The following POU2F2 variants were observed in gnomAD, a reference collection of about 807,000 sequenced individuals.
POU2F2 encodes the protein POU class 2 homeobox 2.
In POU2F2, 14 loss-of-function variants were observed where a neutral mutation model predicts 63.5. The observed-to-expected ratio is 0.22, with a 90% CI of 0.15 to 0.34. The LOEUF (loss-of-function observed/expected upper bound fraction) is 0.34, where lower values mean the gene tolerates loss of function less well. Among genes scored for constraint, POU2F2 ranks in the 10% least tolerant of loss-of-function variants. POU2F2 has a pLI of 1.00. For synonymous variants in POU2F2, 306 were observed against 348.6 expected (o/e 0.88, Z 1.36); for missense variants, 607 against 815.2 (o/e 0.74, Z 3.11).
At chr19:42,119,364 T>TA (rs1390247075) in intron 4 of POU2F2, among the ~76,000 whole-genome samples, 2 of 152,184 alleles carry the variant, frequency 1.3e-5, no homozygotes, top group Non-Finnish European at 2.9e-5. Flanking sequence ...ATGTGTATCA[T>TA]ATTTTAATAC....
intron 2 of POU2F2, chr19:42,157,235 C>G (rs2034474023): frequency 6.6e-6 from 1 of 152,428 alleles, no homozygotes; most frequent in African/African-American, 2.4e-5. Flanking sequence ...CGAAATGTAA[C>G]TTAGCCCTCG....
chr19:42,145,947 T>C (rs1213197932), intron 2 of POU2F2, among the ~76,000 whole-genome samples: 1 of 133,984 alleles, frequency 7.5e-6, no homozygotes, highest in Admixed American at 7.4e-5. Context: ...AAAAAAAGAG[T>C]TCTGCTTCCC....
intron 5 of POU2F2, among the ~76,000 whole-genome samples, chr19:42,116,481 C>T (rs1206557512): frequency 3.3e-5 from 5 of 152,140 alleles, no homozygotes; most frequent in African/African-American, 9.7e-5. Context: ...AACACACCAC[C>T]AGAGGGAGGA....
In POU2F2 at chr19:42,169,991, G is replaced by C. The variant is rs2034727918; in HGVS notation, c.-70+5972C>G. Among the ~76,000 whole-genome samples the C allele has an allele frequency of 6.6e-6, 1 of 152,086 alleles. No individual in the cohort carries two copies. Among genetic ancestry groups the C allele is most frequent in the Admixed American group, 6.5e-5 (1 of 15,278 alleles). ...CACAGCCAGGCAGGCTGGGCCCTGAGGGGAGTGGTGGGGGAGGGGCTGGTC... is the reference window on the plus strand; with the variant it reads ...CACAGCCAGGCAGGCTGGGCCCTGACGGGAGTGGTGGGGGAGGGGCTGGTC... On this transcript the variant is annotated intron_variant, in intron 1 of 6. Transcript: ENST00000524801. The surrounding 1 kb of genome is among the most constrained non-coding windows in gnomAD (Gnocchi z 4.3).
rs905018430 is a variant in POU2F2 at position 42,089,666 on chromosome 19, G to A, written c.*1591C>T. On this transcript the variant is annotated 3_prime_UTR_variant, in exon 15 of 15. Transcript: ENST00000692977. Reference sequence around the variant, plus strand: ...CGGTGCAGGGGCTTGGCTCCGCCTCGCGGTTCCATCTTATTCTTGAAGAGT... The same window carrying A: ...CGGTGCAGGGGCTTGGCTCCGCCTCACGGTTCCATCTTATTCTTGAAGAGT... The A allele has an allele frequency of 3.3e-5, 5 of 150,700 alleles. No homozygotes were observed. The highest frequency in any genetic ancestry group is 6.6e-5 in the Admixed American group (1 of 15,130). 9.3% of individuals were successfully genotyped at this position (150,700 alleles called of 1,614,324 possible). A position where few individuals can be genotyped will look rare whatever the true frequency, so the allele number is the denominator to read the frequency against.
rs1387831880 is a variant in POU2F2 at position 42,091,213 on chromosome 19, C to A, written c.*44G>T. ...CTCGCCCTCTTCCCAGGCAAGGGAC[C>A]AAGGCAGGGACCAGAGGAATGGGAG... On this transcript the variant is annotated 3_prime_UTR_variant, in exon 15 of 15. Coordinates refer to ENST00000692977, the MANE Select transcript of POU2F2 (RefSeq NM_001394376.1). 4 of 1,487,734 alleles carry A rather than the reference C, an allele frequency of 2.7e-6. No individual in the cohort carries two copies. In the South Asian group the frequency reaches 3.9e-5, roughly 15 times the overall value. 92.2% of individuals were successfully genotyped at this position (1,487,734 alleles called of 1,614,324 possible). A position where few individuals can be genotyped will look rare whatever the true frequency, so the allele number is the denominator to read the frequency against.
intron 1 of POU2F2, among the ~76,000 whole-genome samples, chr19:42,170,283 C>A (rs1321673701): frequency 6.6e-6 from 1 of 151,976 alleles, no homozygotes; most frequent in Non-Finnish European, 1.5e-5. Context: ...AACAGGCAAT[C>A]ACACAAGCCC....
intron 2 of POU2F2, among the ~76,000 whole-genome samples, chr19:42,143,569 C>A (rs1447664477): frequency 6.6e-6 from 1 of 152,186 alleles, no homozygotes; most frequent in Non-Finnish European, 1.5e-5. Context: ...GTACTAACGA[C>A]CCAAGCCTGG....
At position 42,092,206 on chromosome 19, in the gene POU2F2, G is replaced by A. The variant is rs761793431; in HGVS notation, c.1329C>T (p.Gly443=). 69 of 1,498,716 alleles carry A rather than the reference G, an allele frequency of 4.6e-5. No homozygotes were observed. Among genetic ancestry groups the A allele is most frequent in the South Asian group, 1.9e-4 (16 of 82,938 alleles). The allele number at this position is 1,498,716 out of a possible 1,614,324, so 92.8% of individuals were successfully genotyped here. ...HPSRTAGGGG[G]GGGAAPPLNS... ...TGAGGGGGGGCGCAGCCCCGCCCCC[G>A]CCCCCACCCCCTCCAGCTGTCCGGC... Residue 443 remains glycine, a synonymous_variant, in exon 13 of 15, where the codon GGC becomes GGT. Transcript: ENST00000692977. This position sits in a 1 kb window ranked among gnomAD's most constrained non-coding sequence, Gnocchi z 5.0.
intron 1 of POU2F2, among the ~76,000 whole-genome samples, chr19:42,181,099 C>T (rs1362362820): frequency 2.0e-5 from 3 of 152,238 alleles, no homozygotes; most frequent in Non-Finnish European, 4.4e-5. Context: ...CAGAAGCTGA[C>T]ATCCCTCATG....
intron 1 of POU2F2, among the ~76,000 whole-genome samples, chr19:42,173,066 G>C (rs977188986): frequency 1.3e-5 from 2 of 152,132 alleles, no homozygotes; most frequent in Non-Finnish European, 2.9e-5. Context: ...CTGTGAGAGC[G>C]AGGTGGGTGT....
upstream of POU2F2, among the ~76,000 whole-genome samples, chr19:42,135,816 T>G (rs2033998431): frequency 6.6e-6 from 1 of 151,310 alleles, no homozygotes; most frequent in African/African-American, 2.4e-5. Flanking sequence ...CAAGCGCATC[T>G]CACGCCTCCT....
chr19:42,174,823 G>A (rs1568424517), intron 1 of POU2F2, among the ~76,000 whole-genome samples: 1 of 152,018 alleles, frequency 6.6e-6, no homozygotes, highest in Non-Finnish European at 1.5e-5. Flanking sequence ...GGGGTGGAAG[G>A]ACAAATCCAC....
rs1036125955 is a variant in POU2F2 at position 42,156,786 on chromosome 19, G to T, written c.-9+3546C>A. 1 of 152,206 alleles carries T rather than the reference G, an allele frequency of 6.6e-6. No individual in the cohort carries two copies. Among genetic ancestry groups the T allele is most frequent in the Non-Finnish European group, 1.5e-5 (1 of 68,076 alleles). The allele number at this position is 152,206 out of a possible 1,614,324, so 9.4% of individuals were successfully genotyped here. A position where few individuals can be genotyped will look rare whatever the true frequency, so the allele number is the denominator to read the frequency against. On this transcript the variant is annotated intron_variant, in intron 2 of 6. Transcript: ENST00000524801. The surrounding 1 kb of genome is among the most constrained non-coding windows in gnomAD (Gnocchi z 4.1). ...CCCCCCCGCCATACCTACACTCTTG[G>T]CCATGGGAGAATGTCCTCATGTGCG...
chr19:42,125,835 C>T (rs2033146342), intron 1 of POU2F2, among the ~76,000 whole-genome samples: 1 of 152,202 alleles, frequency 6.6e-6, no homozygotes, highest in African/African-American at 2.4e-5. Context: ...TGCTCTTCAC[C>T]CATGTCGAGC....
chr19:42,149,391 T>C (rs2034295866), intron 2 of POU2F2, among the ~76,000 whole-genome samples: 1 of 152,232 alleles, frequency 6.6e-6, no homozygotes, highest in South Asian at 2.1e-4. Context: ...CACTTCTTTC[T>C]ATGGCTGTGG....
At chr19:42,127,001 C>T (rs371458589) in intron 1 of POU2F2, among the ~76,000 whole-genome samples, 47 of 152,262 alleles carry the variant, frequency 3.1e-4, no homozygotes, top group East Asian at 2.7e-3. Context: ...ACTGCAGCCT[C>T]GACCTCCTGG....
intron 1 of POU2F2, among the ~76,000 whole-genome samples, chr19:42,182,886 G>C (rs1212349912): frequency 6.6e-6 from 1 of 152,164 alleles, no homozygotes; most frequent in Non-Finnish European, 1.5e-5. Flanking sequence ...ACCAGGAGGA[G>C]GCTGGAGCAG....
intron 7 of POU2F2, chr19:42,099,314 C>T (rs1209158420): frequency 5.3e-6 from 3 of 565,620 alleles, no homozygotes; most frequent in Non-Finnish European, 3.2e-6. Context: ...GGGTTAAGAA[C>T]CACTTGTCTG....
Sources: gnomAD v4.1 joint callset for allele counts (sites outside exome capture counted in the v4.1 genomes callset) on GRCh38, gnomAD v4.1.1 for gene constraint, Gnocchi (gnomAD v3.1) non-coding constraint, MANE v1.5 for transcripts, NCBI Gene and HGNC (gene_info 2026-07-23, HGNC 2026-07-21) for gene names.